Variants in TECPR1 observed in about 807,000 individuals in gnomAD.
TECPR1 encodes tectonin beta-propeller repeat containing 1, also known as tectonin beta-propeller repeat-containing protein 1.
A neutral mutation model predicts 162.4 loss-of-function variants in TECPR1; 122 were observed. The observed-to-expected ratio is 0.75, with a 90% CI of 0.65 to 0.87. The LOEUF is 0.87. Among genes scored for constraint, TECPR1 ranks in the 40% least tolerant of loss-of-function variants. The pLI, the probability that TECPR1 is intolerant of heterozygous loss-of-function variation, is 0.00. For synonymous variants in TECPR1, 642 were observed against 670.6 expected (o/e 0.96, Z 0.66); for missense variants, 1,432 against 1,618.2 (o/e 0.88, Z 1.97).
intron 5 of TECPR1, 133 bp downstream of exon 5, chr7:98,244,438 A>G (rs535095583): frequency 8.4e-7 from 1 of 1,196,568 alleles, no homozygotes; most frequent in African/African-American, 1.5e-5. Context: ...GACAGGAAAC[A>G]GCTCAAAGGC....
chr7:98,237,853 G>A (rs1007044095), intron 9 of TECPR1, among the ~76,000 whole-genome samples: 4 of 152,150 alleles, frequency 2.6e-5, no homozygotes, highest in Admixed American at 6.6e-5. Context: ...GCTCATTACA[G>A]CCTTGACCTC....
intron 2 of TECPR1, among the ~76,000 whole-genome samples, chr7:98,249,348 G>A (rs1799003418): frequency 6.6e-6 from 1 of 152,150 alleles, no homozygotes; most frequent in African/African-American, 2.4e-5. Flanking sequence ...CAGCAGAATG[G>A]AGGAAGCCCG....
chr7:98,225,182 C>T (rs1798250616), intron 17 of TECPR1, 80 bp from the exon 18 acceptor site: 1 of 1,310,326 alleles, frequency 7.6e-7, no homozygotes, highest in African/African-American at 1.5e-5. Context: ...TAACACCCCA[C>T]AGGGAAGCAC....
chr7:98,248,378 C>T (rs1798967079), intron 2 of TECPR1, among the ~76,000 whole-genome samples: 1 of 151,858 alleles, frequency 6.6e-6, no homozygotes, highest in South Asian at 2.1e-4. Context: ...AAAACCGGAG[C>T]AAAAGGAGAC....
chr7:98,224,768 C>G, intron 19 of TECPR1, 33 bp downstream of exon 19: 1 of 1,553,660 alleles, frequency 6.4e-7, no homozygotes, highest in Non-Finnish European at 8.7e-7. Flanking sequence ...ATTCAGGACC[C>G]AGCCCGAAGG....
At chr7:98,218,373 C>T (rs1192619792) in intron 23 of TECPR1, among the ~76,000 whole-genome samples, 1 of 152,128 alleles carries the variant, frequency 6.6e-6, no homozygotes, top group African/African-American at 2.4e-5. Flanking sequence ...CTAGCCAGAG[C>T]AATCAGGCAA....
At chr7:98,220,568 T>A (rs1454186355) in intron 23 of TECPR1, among the ~76,000 whole-genome samples, 1 of 150,962 alleles carries the variant, frequency 6.6e-6, no homozygotes, top group Non-Finnish European at 1.5e-5. Flanking sequence ...ATCTGGCTTT[T>A]TTTTTTTTGA....
chr7:98,241,996 C>T lies in TECPR1; in HGVS notation c.658-752G>A, dbSNP rs572092142. On this transcript the variant is annotated intron_variant, in intron 6 of 25. Coordinates refer to ENST00000447648, the MANE Select transcript of TECPR1 (RefSeq NM_015395.3). This position sits in a 1 kb window ranked among gnomAD's most constrained non-coding sequence, Gnocchi z 5.0. Reference sequence around the variant, plus strand: ...AGGACACAAACGCTGCTCTGCAGCCCCTGTTCTCCCCTCTCTCTCTTTGCA... The same window carrying T: ...AGGACACAAACGCTGCTCTGCAGCCTCTGTTCTCCCCTCTCTCTCTTTGCA... Among the ~76,000 whole-genome samples the T allele has an allele frequency of 5.2e-4, 79 of 152,310 alleles. No individual in the cohort carries two copies. Among genetic ancestry groups the T allele is most frequent in the African/African-American group, 1.5e-3 (64 of 41,560 alleles).
rs1189434237 is a variant in TECPR1 at position 98,236,859 on chromosome 7, C to A, written c.1098G>T (p.Glu366Asp). The change falls in exon 10 of 26, where the codon GAG becomes GAT. Residue 366 changes from glutamate (E) to aspartate (D), a missense_variant. Transcript: ENST00000447648. ...TGGCTTTCCAGGTCTTCCCACTGAG[C>A]TCGCTGGGGGTGACACCCTGCCGGA... ...VYFRQGVTPS[E>D]LSGKTWKAII... The A allele has an allele frequency of 6.3e-7, 1 of 1,583,126 alleles. No homozygotes were observed. Among genetic ancestry groups the A allele is most frequent in the Admixed American group, 1.8e-5 (1 of 55,558 alleles).
chr7:98,243,690 T>C (rs2116622356), intron 5 of TECPR1, 98 bp from the exon 6 acceptor site: 2 of 1,457,054 alleles, frequency 1.4e-6, no homozygotes, highest in Non-Finnish European at 1.8e-6. Context: ...CTTCCATTCT[T>C]CAGCCCAGCC....
rs2116536689 is a variant in TECPR1, at chr7:98,222,378, G to A, written c.3064+8C>T. 1 of 1,604,162 alleles carries A rather than the reference G, an allele frequency of 6.2e-7. No individual in the cohort carries two copies. The highest frequency in any genetic ancestry group is 8.5e-7 in the Non-Finnish European group (1 of 1,175,944). On this transcript the variant is annotated splice_region_variant and intron_variant, in intron 22 of 25. Coordinates refer to ENST00000447648, the MANE Select transcript of TECPR1 (RefSeq NM_015395.3). Reference sequence around the variant, plus strand: ...ACACTGCAGGGGCTCCTGGGGCGCGGCACTCACCGGCTGGCTGCGAGGGGT... The same window carrying A: ...ACACTGCAGGGGCTCCTGGGGCGCGACACTCACCGGCTGGCTGCGAGGGGT...
rs775286702 is a variant in TECPR1, at chr7:98,244,925, T to C, written c.368A>G (p.Tyr123Cys). 1.2e-6 allele frequency: 2 copies of C among 1,613,018 alleles called. No homozygotes were observed. Among genetic ancestry groups the C allele is most frequent in the Admixed American group, 3.3e-5 (2 of 59,998 alleles). The part of the protein sequence containing the change: ...SPHWEWESDW[Y>C]VDENFGGEPT... Reference sequence around the variant, plus strand: ...TTCACCTCCAAAATTCTCATCCACGTACCAGTCAGACTCCCACTCCCAGTG... The same window carrying C: ...TTCACCTCCAAAATTCTCATCCACGCACCAGTCAGACTCCCACTCCCAGTG... The change falls in exon 4 of 26, where the codon TAC becomes TGC. Residue 123 changes from tyrosine (Y) to cysteine (C), a missense_variant. Coordinates refer to ENST00000447648, the MANE Select transcript of TECPR1 (RefSeq NM_015395.3).
Position 98,233,889 on chromosome 7 carries a change from C to T in TECPR1, c.1204G>A (p.Glu402Lys), listed in dbSNP as rs1307610178. The T allele has an allele frequency of 6.5e-7, 1 of 1,542,396 alleles. No individual in the cohort carries two copies. The highest frequency in any genetic ancestry group is 8.8e-7 in the Non-Finnish European group (1 of 1,141,066). ...GCAGACTCGCCACTACCCCTCACCTCATCACCGAAGAAGCAGCCGGCACTG... is the reference window on the plus strand; with the variant it reads ...GCAGACTCGCCACTACCCCTCACCTTATCACCGAAGAAGCAGCCGGCACTG... ...LLSAGCFFGD[E>K]VRGSGESAPS... is the part of the protein sequence containing the mutation. Residue 402 changes from glutamate to lysine, a missense_variant, in exon 11 of 26, where the codon GAG (glutamate) becomes AAG (lysine). Transcript: ENST00000447648.
At chr7:98,225,465 G>A (rs1368078589) in intron 17 of TECPR1, among the ~76,000 whole-genome samples, 1 of 152,008 alleles carries the variant, frequency 6.6e-6, no homozygotes, top group African/African-American at 2.4e-5. Flanking sequence ...AACCCGGGAG[G>A]CGGAGGTTGC....
rs200007269 is a variant in TECPR1 at position 98,231,261 on chromosome 7, C to T, written c.2087G>A (p.Arg696His). ...PERTRQRWPV[R>H]LAAATEQDMN... ...GTCCTGCTCGGTGGCAGCAGCCAGA[C>T]GCACCGGCCACCTCTGCCGTGTCCG... Residue 696 changes from arginine (R) to histidine (H), a missense_variant, in exon 14 of 26, where the codon CGT becomes CAT. By Grantham distance (29) the Arg-to-His change is conservative. Coordinates refer to ENST00000447648, the MANE Select transcript of TECPR1 (RefSeq NM_015395.3). 7.5e-4 allele frequency: 1,215 copies of T among 1,613,064 alleles called. 2 individuals carry two copies. Among genetic ancestry groups the T allele is most frequent in the Non-Finnish European group, 5.5e-4 (649 of 1,179,740 alleles).
chr7:98,237,770 G>A (rs905684189), intron 9 of TECPR1, among the ~76,000 whole-genome samples: 2 of 150,160 alleles, frequency 1.3e-5, no homozygotes. Context: ...TGCCCGGAAT[G>A]TTTTTGGTTT....
chr7:98,217,963 G>A lies in TECPR1; in HGVS notation c.3237C>T (p.Cys1079=), dbSNP rs1394804371. ...SSWEHVSNNV[C]RVSVGPLDQV... ...GGTCCAGGGGCCCCACGGACACTCGGCACACGTTGTTGGACACGTGCTCCC... is the reference window on the plus strand; with the variant it reads ...GGTCCAGGGGCCCCACGGACACTCGACACACGTTGTTGGACACGTGCTCCC... The change falls in exon 24 of 26, where the codon TGC becomes TGT. Residue 1079 remains cysteine (C), a synonymous_variant. Transcript: ENST00000447648. 9.0e-6 allele frequency: 14 copies of A among 1,559,448 alleles called. No individual in the cohort carries two copies. The highest frequency in any genetic ancestry group is 1.1e-5 in the Non-Finnish European group (13 of 1,152,116).
rs1798057025 is a variant in TECPR1 at position 98,217,983 on chromosome 7, G to A, written c.3217C>T (p.His1073Tyr). ...ACTCGGCACACGTTGTTGGACACGT[G>A]CTCCCAGCTGGAGCCCTGCGGGTAG... is the stretch of plus-strand genomic sequence containing the variant. The part of the protein sequence containing the change: ...PSYPQGSSWE[H>Y]VSNNVCRVSV... Residue 1073 changes from histidine to tyrosine, a missense_variant, in exon 24 of 26, where the codon CAC becomes TAC. His to Tyr is a moderately conservative substitution (Grantham distance 83, BLOSUM62 2). Coordinates refer to ENST00000447648, the MANE Select transcript of TECPR1 (RefSeq NM_015395.3). 1 of 1,565,898 alleles carries A rather than the reference G, an allele frequency of 6.4e-7. No homozygotes were observed. The highest frequency in any genetic ancestry group is 8.7e-7 in the Non-Finnish European group (1 of 1,155,770).
chr7:98,249,103 G>A (rs1285088847), intron 2 of TECPR1, among the ~76,000 whole-genome samples: 1 of 152,012 alleles, frequency 6.6e-6, no homozygotes, highest in African/African-American at 2.4e-5. Context: ...TGGCCAGGCT[G>A]GTCTCGAACT....
Sources: gnomAD v4.1 joint callset for allele counts (sites outside exome capture counted in the v4.1 genomes callset) on GRCh38, gnomAD v4.1.1 for gene constraint, Gnocchi (gnomAD v3.1) non-coding constraint, MANE v1.5 for transcripts, NCBI Gene and HGNC (gene_info 2026-07-23, HGNC 2026-07-21) for gene names.